Variants in CFHR5 observed in about 807,000 individuals in gnomAD.
CFHR5 encodes complement factor H related 5.
A neutral mutation model predicts 62.9 loss-of-function variants in CFHR5; 73 were observed. That is an observed-to-expected ratio of 1.16 (90% CI 0.96 to 1.41). CFHR5 has a LOEUF of 1.41. Ranked by LOEUF, CFHR5 falls within the 40% of genes most tolerant of loss-of-function variation. The probability of loss-of-function intolerance (pLI) is 0.00; values close to 1 mark genes in which losing one functional copy is unlikely to be tolerated. For synonymous variants in CFHR5, 249 were observed against 227.2 expected (o/e 1.10, Z -0.86); for missense variants, 779 against 679.9 (o/e 1.15, Z -1.62).
At chr1:197,006,756 T>G (rs1354611170) in intron 9 of CFHR5, among the ~76,000 whole-genome samples, 2 of 152,044 alleles carry the variant, frequency 1.3e-5, no homozygotes, top group East Asian at 3.9e-4. Flanking sequence ...GACATAAATT[T>G]ATTTGGATGG....
Position 196,995,756 on chromosome 1 carries a change from A to T in CFHR5, c.647A>T (p.Asn216Ile), listed in dbSNP as rs147488267. 135 of 1,613,260 alleles carry T rather than the reference A, an allele frequency of 8.4e-5. No individual in the cohort carries two copies. Among genetic ancestry groups the T allele is most frequent in the Non-Finnish European group, 1.1e-4 (127 of 1,179,452 alleles). Residue 216 changes from asparagine to isoleucine, a missense_variant, in exon 5 of 10, where the codon AAT (asparagine) becomes ATT (isoleucine). Asn to Ile is a moderately radical substitution (Grantham distance 149). Transcript: ENST00000256785. ...TGTGGTCCACCTCCTCAACTCTCCA[A>T]TGGTGAAGTTAAGGAGATAAGAAAA... ...RSCGPPPQLS[N>I]GEVKEIRKEE...
intron 1 of CFHR5, among the ~76,000 whole-genome samples, chr1:196,981,261 A>C (rs1300408117): frequency 6.6e-6 from 1 of 152,158 alleles, no homozygotes. Context: ...ATATTGAGGA[A>C]ATATCTCGAG....
Position 196,994,074 on chromosome 1 carries a change from T to C in CFHR5, c.431-6T>C, listed in dbSNP as rs773126311. On this transcript the variant is annotated splice_region_variant and splice_polypyrimidine_tract_variant and intron_variant, in intron 3 of 9. Transcript: ENST00000256785. ...TTCACATATGTTCATTTAATTTTAT[T>C]TTTAGAAGGAGAATGTCATGTTCCA... 2.9e-5 allele frequency: 46 copies of C among 1,606,888 alleles called. No individual in the cohort carries two copies. The South Asian group carries it at 4.8e-4, about 17-fold the overall frequency.
intron 3 of CFHR5, among the ~76,000 whole-genome samples, chr1:196,992,726 AC>A (rs1190709883): frequency 6.6e-6 from 1 of 152,218 alleles, no homozygotes; most frequent in African/African-American, 2.4e-5. Flanking sequence ...AAGACTATAA[AC>A]AACCAATAAA....
intron 3 of CFHR5, among the ~76,000 whole-genome samples, chr1:196,986,490 T>C (rs901832323): frequency 6.6e-6 from 1 of 152,038 alleles, no homozygotes; most frequent in Non-Finnish European, 1.5e-5. Flanking sequence ...ATTTACATTA[T>C]GTATTTTGCC....
chr1:196,994,826 T>C (rs1167651595), intron 4 of CFHR5, among the ~76,000 whole-genome samples: 1 of 152,110 alleles, frequency 6.6e-6, no homozygotes, highest in Non-Finnish European at 1.5e-5. Flanking sequence ...CTCACAATCA[T>C]GGCAGAAGGT....
chr1:196,984,217 A>C, intron 3 of CFHR5, 80 bp downstream of exon 3: 1 of 1,227,984 alleles, frequency 8.1e-7, no homozygotes, highest in Non-Finnish European at 1.2e-6. Flanking sequence ...ATATAGGTTA[A>C]ATATAGGTTT....
At chr1:196,982,537 G>A (rs1182137973) in intron 1 of CFHR5, among the ~76,000 whole-genome samples, 1 of 152,052 alleles carries the variant, frequency 6.6e-6, no homozygotes, top group Non-Finnish European at 1.5e-5. Flanking sequence ...GTCAGGTGTG[G>A]TGGCAGGCAC....
At chr1:197,006,325 G>A (rs765194735) in intron 9 of CFHR5, among the ~76,000 whole-genome samples, 6 of 152,032 alleles carry the variant, frequency 3.9e-5, no homozygotes, top group Admixed American at 6.6e-5. Flanking sequence ...ATAGATATCT[G>A]GAAAATTCAA....
chr1:196,995,778 A>T lies in CFHR5; in HGVS notation c.669A>T (p.Arg223Ser), dbSNP rs373158868. ...QLSNGEVKEI[R>S]KEEYGHNEVV... is the part of the protein sequence containing the mutation. ...CCAATGGTGAAGTTAAGGAGATAAG[A>T]AAAGAGGAATATGGACACAATGAAG... The change falls in exon 5 of 10, where the codon AGA (arginine) becomes AGT (serine). Residue 223 changes from arginine (R) to serine (S), a missense_variant. Transcript: ENST00000256785. The T allele has an allele frequency of 1.6e-5, 26 of 1,613,294 alleles. No individual in the cohort carries two copies. Among genetic ancestry groups the T allele is most frequent in the Non-Finnish European group, 2.0e-5 (24 of 1,179,346 alleles).
Position 196,995,765 on chromosome 1 carries a change from T to G in CFHR5, c.656T>G (p.Val219Gly). Residue 219 changes from valine (V) to glycine (G), a missense_variant, in exon 5 of 10, where the codon GTT becomes GGT. Transcript: ENST00000256785. ...GPPPQLSNGE[V>G]KEIRKEEYGH... ...CCTCCTCAACTCTCCAATGGTGAAG[T>G]TAAGGAGATAAGAAAAGAGGAATAT... 6.2e-7 allele frequency: 1 copy of G among 1,613,296 alleles called. No individual in the cohort carries two copies. Among genetic ancestry groups the G allele is most frequent in the Non-Finnish European group, 8.5e-7 (1 of 1,179,370 alleles).
intron 3 of CFHR5, among the ~76,000 whole-genome samples, chr1:196,991,087 T>G (rs1653836213): frequency 6.6e-6 from 1 of 152,156 alleles, no homozygotes; most frequent in African/African-American, 2.4e-5. Flanking sequence ...TTCTCTAAAC[T>G]TTCTTCTCTC....
At position 197,008,893 on chromosome 1, in the gene CFHR5, A is replaced by G. The variant is rs1273525600; in HGVS notation, c.*210A>G. On this transcript the variant is annotated 3_prime_UTR_variant, in exon 10 of 10. Transcript: ENST00000256785. The stretch of plus-strand genomic sequence containing the variant: ...ATAGGAGGGTGTCTTAGTCCATATT[A>G]CATTGTTATAACAGAGTATCACAGA... The G allele has an allele frequency of 1.7e-5, 9 of 542,348 alleles. No homozygotes were observed. The highest frequency in any genetic ancestry group is 2.3e-5 in the Non-Finnish European group (7 of 302,424). 33.6% of individuals were successfully genotyped at this position (542,348 alleles called of 1,614,324 possible).
Position 197,008,565 on chromosome 1 carries a change from C to T in CFHR5, c.1592C>T (p.Ala531Val), listed in dbSNP as rs1654352859. Residue 531 changes from alanine to valine, a missense_variant, in exon 10 of 10, where the codon GCA (alanine) becomes GTA (valine). Physicochemically the swap from Ala to Val is moderately conservative, Grantham distance 64. Coordinates refer to ENST00000256785, the MANE Select transcript of CFHR5 (RefSeq NM_030787.4). ...TGGAGAAACGATGGAAAACTCTATGCAAAAACAGGGGATGCTGTTGAATTC... is the reference window on the plus strand; with the variant it reads ...TGGAGAAACGATGGAAAACTCTATGTAAAAACAGGGGATGCTGTTGAATTC... ...LKWRNDGKLY[A>V]KTGDAVEFQC... The T allele has an allele frequency of 6.2e-7, 1 of 1,613,242 alleles. No homozygotes were observed. The highest frequency in any genetic ancestry group is 1.3e-5 in the African/African-American group (1 of 74,838).
At chr1:196,991,836 C>T (rs1394947545) in intron 3 of CFHR5, among the ~76,000 whole-genome samples, 4 of 152,140 alleles carry the variant, frequency 2.6e-5, no homozygotes, top group South Asian at 2.1e-4. Context: ...TTAGGCTACA[C>T]GTGGGACGGG....
At chr1:196,993,682 A>AT (rs556272402) in intron 3 of CFHR5, among the ~76,000 whole-genome samples, 1 of 152,142 alleles carries the variant, frequency 6.6e-6, no homozygotes, top group Admixed American at 6.5e-5. Context: ...ACTTGAAGGA[A>AT]TTTTTTGTGA....
intron 3 of CFHR5, among the ~76,000 whole-genome samples, chr1:196,987,537 G>A (rs1276700117): frequency 1.3e-5 from 2 of 152,224 alleles, no homozygotes; most frequent in Middle Eastern, 3.4e-3. Context: ...ATTAATTTTT[G>A]TATAAGGTGT....
At chr1:196,983,308 A>T (rs929657247) in intron 2 of CFHR5, among the ~76,000 whole-genome samples, 1 of 152,170 alleles carries the variant, frequency 6.6e-6, no homozygotes, top group Non-Finnish European at 1.5e-5. Flanking sequence ...AAATACATTA[A>T]TTTTTTTAAA....
intron 1 of CFHR5, among the ~76,000 whole-genome samples, chr1:196,982,442 C>A (rs781664138): frequency 6.6e-6 from 1 of 152,086 alleles, no homozygotes. Flanking sequence ...GAGGCCGAGG[C>A]GCATGGATCA....
Sources: allele counts gnomAD v4.1 joint callset (sites outside exome capture counted in the v4.1 genomes callset), GRCh38; gene constraint gnomAD v4.1.1; transcripts MANE v1.5; gene names NCBI Gene and HGNC (gene_info 2026-07-23, HGNC 2026-07-21).